Variants in WDR91 observed in about 807,000 individuals in gnomAD.
WDR91 encodes the protein WD repeat domain 91, also known as WD repeat-containing protein 91.
In WDR91, 52 loss-of-function variants were observed where a neutral mutation model predicts 88.4. The observed-to-expected ratio is 0.59, with a 90% CI of 0.47 to 0.74. WDR91 has a LOEUF of 0.74. Ranked by LOEUF, WDR91 falls within the 30% of genes least tolerant of loss-of-function variation. WDR91 has a pLI of 0.00. For synonymous variants in WDR91, 362 were observed against 389.5 expected (o/e 0.93, Z 0.83); for missense variants, 824 against 954.5 (o/e 0.86, Z 1.80).
intron 10 of WDR91, 38 bp downstream of exon 10, chr7:135,193,540 C>A: frequency 1.2e-6 from 2 of 1,613,194 alleles, no homozygotes; most frequent in Non-Finnish European, 1.7e-6. Flanking sequence ...CACTTGGCAG[C>A]CTGCGGCCTT....
At position 135,211,450 on chromosome 7, in the gene WDR91, A is replaced by G. The variant is rs1245785892; in HGVS notation, c.53T>C (p.Phe18Ser). ...TDELVREYLL[F>S]RGFTHTLRQL... The stretch of plus-strand genomic sequence containing the variant: ...CCGCAGTGTGTGCGTGAACCCGCGG[A>G]AGAGCAGGTACTCCCGGACCAGCTC... Residue 18 changes from phenylalanine (F) to serine (S), a missense_variant, in exon 1 of 15, where the codon TTC becomes TCC. By Grantham distance (155) the Phe-to-Ser change is radical. Coordinates refer to ENST00000354475, the MANE Select transcript of WDR91 (RefSeq NM_014149.4). The G allele has an allele frequency of 6.2e-7, 1 of 1,612,328 alleles. No homozygotes were observed.
At position 135,193,372 on chromosome 7, in the gene WDR91, G is replaced by A. The variant is rs376395238; in HGVS notation, c.1518C>T (p.Asn506=). Residue 506 remains asparagine (N), a synonymous_variant, in exon 11 of 15, where the codon AAC becomes AAT. Transcript: ENST00000354475. ...PRILSLACSP[N]GASFVCSAAA... ...CTGCCGAACAGACGAAAGAGGCCCC[G>A]TTGGGGCTGCACGCAAGAGACAGGA... 2.5e-5 allele frequency: 40 copies of A among 1,614,092 alleles called. No homozygotes were observed. Among genetic ancestry groups the A allele is most frequent in the East Asian group, 6.7e-5 (3 of 44,892 alleles).
intron 3 of WDR91, chr7:135,207,433 A>G (rs1181560716): frequency 5.7e-6 from 3 of 525,298 alleles, no homozygotes; most frequent in East Asian, 9.3e-5. Flanking sequence ...ACGCATGACC[A>G]TCTGCCTGGC....
intron 1 of WDR91, 124 bp downstream of exon 1, chr7:135,211,241 GGGTCGGACGCGCTGA>G: frequency 7.5e-7 from 1 of 1,340,534 alleles, no homozygotes; most frequent in Non-Finnish European, 9.9e-7. Context: ...CGTCAAGCTG[GGGTCGGACGCGCTGA>G]GGTCTCCGGC....
intron 6 of WDR91, chr7:135,199,367 C>T (rs1161799130): frequency 6.6e-6 from 1 of 152,216 alleles, no homozygotes; most frequent in African/African-American, 2.4e-5. Context: ...GCCACAAACA[C>T]ATTTAATTCC....
intron 6 of WDR91, chr7:135,200,305 G>C (rs1416418995): frequency 6.6e-6 from 1 of 152,176 alleles, no homozygotes; most frequent in African/African-American, 2.4e-5. Context: ...AGGAAAAAGG[G>C]GTAAAGTCAC....
intron 1 of WDR91, 21 bp downstream of exon 1, chr7:135,211,359 C>T (rs1301456726): frequency 6.3e-7 from 1 of 1,599,224 alleles, no homozygotes; most frequent in Non-Finnish European, 8.5e-7. Context: ...TCTGCCCGCG[C>T]CGCTCCCGCC....
At chr7:135,206,210 T>G (rs1831774653) in intron 4 of WDR91, 152 bp from the exon 5 acceptor site, 2 of 969,514 alleles carry the variant, frequency 2.1e-6, no homozygotes, top group Admixed American at 2.3e-5. Flanking sequence ...CACTGCAGAC[T>G]GGGAAAAGTG....
rs777714997 is a variant in WDR91 at position 135,209,751 on chromosome 7, T to C, written c.128A>G (p.Asp43Gly). The change falls in exon 2 of 15, where the codon GAT becomes GGT. Residue 43 changes from aspartate to glycine, a missense_variant. Asp to Gly is a moderately conservative substitution (Grantham distance 94, BLOSUM62 -1). Coordinates refer to ENST00000354475, the MANE Select transcript of WDR91 (RefSeq NM_014149.4). ...CTGCTGCAGCTGGTCCACAATCTTA[T>C]CCACCTGGCGAGAAACATGGATGGA... The part of the protein sequence containing the change: ...KADKEKGFRV[D>G]KIVDQLQQLM... 2 of 1,589,352 alleles carry C rather than the reference T, an allele frequency of 1.3e-6. No individual in the cohort carries two copies. The highest frequency in any genetic ancestry group is 1.7e-4 in the Middle Eastern group (1 of 5,924).
chr7:135,209,039 A>T (rs771122275), intron 2 of WDR91, 41 bp from the exon 3 acceptor site: 1 of 1,576,692 alleles, frequency 6.3e-7, no homozygotes, highest in Non-Finnish European at 8.7e-7. Context: ...GAGGAGAGAC[A>T]GAAATCCAGA....
In WDR91 at chr7:135,193,216, A is replaced by AG; in HGVS notation, c.1659+14dup. 6.2e-7 allele frequency: 1 copy of AG among 1,612,200 alleles called. No homozygotes were observed. Among genetic ancestry groups the AG allele is most frequent in the Non-Finnish European group, 8.5e-7 (1 of 1,179,368 alleles). On this transcript the variant is annotated intron_variant, in intron 11 of 14. Transcript: ENST00000354475. The stretch of plus-strand genomic sequence containing the variant: ...TGTGCCTGGCCCCAGAGAGAGCCAC[A>AG]GGGCAGGCCCGTACCTGCTGCTTCA...
chr7:135,198,242 C>T, intron 6 of WDR91, 91 bp from the exon 7 acceptor site: 4 of 1,336,850 alleles, frequency 3.0e-6, no homozygotes, highest in African/African-American at 2.9e-5. Flanking sequence ...GGCGGGGGGG[C>T]GTGGTGGGTT....
chr7:135,190,020 A>C (rs1358320952), intron 11 of WDR91, among the ~76,000 whole-genome samples: 1 of 152,258 alleles, frequency 6.6e-6, no homozygotes, highest in Non-Finnish European at 1.5e-5. Context: ...ATGTTATTTA[A>C]AATACACACA....
intron 7 of WDR91, chr7:135,197,683 C>T: frequency 4.1e-6 from 1 of 241,390 alleles, no homozygotes; most frequent in Non-Finnish European, 8.0e-6. Context: ...GCACAATTAA[C>T]CTAAGGGAAG....
Position 135,185,640 on chromosome 7 carries a change from A to G in WDR91, c.*511T>C, listed in dbSNP as rs891023984. ...CCTTGTTACCCAGCAGAACAGACAG[A>G]GAGCTGACCTGGCTCCATGGCAAAG... On this transcript the variant is annotated 3_prime_UTR_variant, in exon 15 of 15. Coordinates refer to ENST00000354475, the MANE Select transcript of WDR91 (RefSeq NM_014149.4). 6.6e-6 allele frequency: 1 copy of G among 152,348 alleles called. No homozygotes were observed. The highest frequency in any genetic ancestry group is 6.5e-5 in the Admixed American group (1 of 15,292). 9.4% of individuals were successfully genotyped at this position (152,348 alleles called of 1,614,324 possible). A position where few individuals can be genotyped will look rare whatever the true frequency, so the allele number is the denominator to read the frequency against.
chr7:135,194,931 C>T lies in WDR91; in HGVS notation c.1395+3G>A. ...GCGGGCCCCACAGGCCACCATTACT[C>T]ACCAGTCTGTCCCGTTTGGTGGCCC... On this transcript the variant is annotated splice_donor_region_variant and intron_variant, in intron 9 of 14. Transcript: ENST00000354475. The T allele has an allele frequency of 6.2e-7, 1 of 1,613,916 alleles. No homozygotes were observed. The highest frequency in any genetic ancestry group is 8.5e-7 in the Non-Finnish European group (1 of 1,179,978).
At position 135,196,057 on chromosome 7, in the gene WDR91, C is replaced by A; in HGVS notation, c.1244+87G>T. On this transcript the variant is annotated intron_variant, in intron 8 of 14. Coordinates refer to ENST00000354475, the MANE Select transcript of WDR91 (RefSeq NM_014149.4). The surrounding 1 kb of genome is among the most constrained non-coding windows in gnomAD (Gnocchi z 4.2). ...TGGCCCTCGTCCAAGCCCCCATTCT[C>A]CGCCATCTCCTGCTGGCCACACCTC... is the stretch of plus-strand genomic sequence containing the variant. The A allele has an allele frequency of 7.5e-7, 1 of 1,331,108 alleles. No homozygotes were observed. The highest frequency in any genetic ancestry group is 2.7e-5 in the Admixed American group (1 of 37,344). 82.5% of individuals were successfully genotyped at this position (1,331,108 alleles called of 1,614,324 possible).
intron 11 of WDR91, among the ~76,000 whole-genome samples, chr7:135,191,984 A>G (rs892275896): frequency 2.0e-5 from 3 of 152,160 alleles, no homozygotes; most frequent in African/African-American, 7.2e-5. Flanking sequence ...ATAGGTCTAG[A>G]GTATGTCCCT....
At chr7:135,210,804 C>A in intron 1 of WDR91, 1 of 703,692 alleles carries the variant, frequency 1.4e-6, no homozygotes, top group South Asian at 1.5e-5. Flanking sequence ...CACAAACATA[C>A]AAATCACACA....
Sources: gnomAD v4.1 joint callset for allele counts (sites outside exome capture counted in the v4.1 genomes callset) on GRCh38, gnomAD v4.1.1 for gene constraint, Gnocchi (gnomAD v3.1) non-coding constraint, MANE v1.5 for transcripts, NCBI Gene and HGNC (gene_info 2026-07-23, HGNC 2026-07-21) for gene names.